Variants in RTEL1 observed in about 807,000 individuals in gnomAD.
The protein encoded by RTEL1 is regulator of telomere length.
In RTEL1, 86 loss-of-function variants were observed where a neutral mutation model predicts 162.2. The ratio of observed to expected loss-of-function variants is 0.53; its 90% CI spans 0.45 to 0.63. The LOEUF (loss-of-function observed/expected upper bound fraction) is 0.63, where lower values mean the gene tolerates loss of function less well. Ranked by LOEUF, RTEL1 falls within the 30% of genes least tolerant of loss-of-function variation. The probability of loss-of-function intolerance (pLI) is 0.00; values close to 1 mark genes in which losing one functional copy is unlikely to be tolerated. For missense variants in RTEL1, 1,941 were observed against 1,750.2 expected (o/e 1.11, Z -1.95); for synonymous variants, 958 against 717.9 (o/e 1.33, Z -5.35).
At chr20:63,692,479 T>A (rs765465870) in intron 28 of RTEL1, 3 of 415,162 alleles carry the variant, frequency 7.2e-6, no homozygotes, top group African/African-American at 4.0e-5. Flanking sequence ...CCGCATCCGC[T>A]GTGGGGCAGG....
chr20:63,687,304 C>T lies in RTEL1; in HGVS notation c.1349-334C>T, dbSNP rs561012165. On this transcript the variant is annotated intron_variant, in intron 16 of 34. Transcript: ENST00000360203. ...GCGCTTCCTTCCCGTGTGCTCTTGG[C>T]GGGGTGGGCTTCTTGCCCTGAGCCG... 4.1e-5 allele frequency: 11 copies of T among 271,024 alleles called. No individual in the cohort carries two copies. The South Asian group carries it at 7.8e-4, about 19-fold the overall frequency. The allele number at this position is 271,024 out of a possible 1,614,324, so 16.8% of individuals were successfully genotyped here. A position where few individuals can be genotyped will look rare whatever the true frequency, so the allele number is the denominator to read the frequency against.
rs778623587 is a variant in RTEL1 at position 63,694,474 on chromosome 20, G to C, written c.3095G>C (p.Arg1032Thr). 1.9e-6 allele frequency: 3 copies of C among 1,599,998 alleles called. No individual in the cohort carries two copies. The highest frequency in any genetic ancestry group is 1.1e-5 in the South Asian group (1 of 90,704). ...LNQGRPHLSP[R>T]PPPTGDPGSQ... ...CAGGGCAGGCCCCACCTGTCGCCCAGGCCACCCCCAACAGGTAGCTGACTC... is the reference window on the plus strand; with the variant it reads ...CAGGGCAGGCCCCACCTGTCGCCCACGCCACCCCCAACAGGTAGCTGACTC... Residue 1032 changes from arginine (R) to threonine (T), a missense_variant, in exon 31 of 35, where the codon AGG (arginine) becomes ACG (threonine). Physicochemically the swap from Arg to Thr is moderately conservative, Grantham distance 71. Coordinates refer to ENST00000360203, the MANE Select transcript of RTEL1 (RefSeq NM_001283009.2).
Position 63,659,368 on chromosome 20 carries a change from A to C in RTEL1, c.-35A>C. 1 of 1,517,082 alleles carries C rather than the reference A, an allele frequency of 6.6e-7. No individual in the cohort carries two copies. The highest frequency in any genetic ancestry group is 9.2e-7 in the Non-Finnish European group (1 of 1,091,788). The allele number at this position is 1,517,082 out of a possible 1,614,324, so 94.0% of individuals were successfully genotyped here. On this transcript the variant is annotated 5_prime_UTR_variant, in exon 2 of 35. Coordinates refer to ENST00000360203, the MANE Select transcript of RTEL1 (RefSeq NM_001283009.2). ...CACAGACCCGAATAGCCTGCCCCTCAGCCACGCTCTGTGCCCTTCTGAGAA... is the reference window on the plus strand; with the variant it reads ...CACAGACCCGAATAGCCTGCCCCTCCGCCACGCTCTGTGCCCTTCTGAGAA...
chr20:63,685,509 C>T lies in RTEL1; in HGVS notation c.1192-14C>T. ...TCAGGCTCCTGACGGGGCTGCACTT[C>T]CTCTGCCTTTCAGATTGTGTTCAGT... is the stretch of plus-strand genomic sequence containing the variant. On this transcript the variant is annotated splice_polypyrimidine_tract_variant and intron_variant, in intron 14 of 34. Transcript: ENST00000360203. 3 of 1,611,766 alleles carry T rather than the reference C, an allele frequency of 1.9e-6. No individual in the cohort carries two copies. The highest frequency in any genetic ancestry group is 1.7e-4 in the Middle Eastern group (1 of 6,056).
chr20:63,691,852 C>T lies in RTEL1; in HGVS notation c.2652+15C>T. The T allele has an allele frequency of 6.2e-7, 1 of 1,602,594 alleles. No individual in the cohort carries two copies. Among genetic ancestry groups the T allele is most frequent in the East Asian group, 2.2e-5 (1 of 44,822 alleles). Reference sequence around the variant, plus strand: ...TCAGCCACCCGGTGCGTGAGCTGTCCCTGCACCTGTGCCGACCACCATAGA... The same window carrying T: ...TCAGCCACCCGGTGCGTGAGCTGTCTCTGCACCTGTGCCGACCACCATAGA... On this transcript the variant is annotated intron_variant, in intron 28 of 34. Coordinates refer to ENST00000360203, the MANE Select transcript of RTEL1 (RefSeq NM_001283009.2).
At chr20:63,685,138 T>C (rs1276599634) in intron 14 of RTEL1, among the ~76,000 whole-genome samples, 1 of 151,114 alleles carries the variant, frequency 6.6e-6, no homozygotes, top group Non-Finnish European at 1.5e-5. Flanking sequence ...TTTGCTCCTC[T>C]CAGCCTCCCG....
chr20:63,684,721 C>A (rs1271293633), intron 14 of RTEL1, among the ~76,000 whole-genome samples: 1 of 151,868 alleles, frequency 6.6e-6, no homozygotes, highest in East Asian at 1.9e-4. Context: ...GATCCTCTCA[C>A]CTTGGCCTCC....
chr20:63,675,194 C>T (rs1168304333), intron 10 of RTEL1, among the ~76,000 whole-genome samples: 1 of 152,202 alleles, frequency 6.6e-6, no homozygotes, highest in Non-Finnish European at 1.5e-5. Flanking sequence ...CGTGAGCCGC[C>T]ACGCCCGGCC....
chr20:63,689,085 G>A lies in RTEL1; in HGVS notation c.1831G>A (p.Ala611Thr), dbSNP rs752318462. 4.2e-5 allele frequency: 67 copies of A among 1,610,680 alleles called. No individual in the cohort carries two copies. The highest frequency in any genetic ancestry group is 5.3e-5 in the Non-Finnish European group (62 of 1,179,870). ...CAGTGCTTACTATGCAAGGGTTGCCGCCCCTGGGTCCACCGGCGCCACCTT... is the reference window on the plus strand; with the variant it reads ...CAGTGCTTACTATGCAAGGGTTGCCACCCCTGGGTCCACCGGCGCCACCTT... ...TISAYYARVA[A>T]PGSTGATFLA... is the part of the protein sequence containing the mutation. The change falls in exon 22 of 35, where the codon GCC (alanine) becomes ACC (threonine). Residue 611 changes from alanine (A) to threonine (T), a missense_variant. Ala to Thr is a moderately conservative substitution (Grantham distance 58, BLOSUM62 0). Transcript: ENST00000360203.
In RTEL1 at chr20:63,690,978, G is replaced by A. The variant is rs935038981; in HGVS notation, c.2556+31G>A. 11 of 1,534,658 alleles carry A rather than the reference G, an allele frequency of 7.2e-6. No individual in the cohort carries two copies. In the Admixed American group the frequency reaches 1.8e-4, roughly 25 times the overall value. On this transcript the variant is annotated intron_variant, in intron 27 of 34. Coordinates refer to ENST00000360203, the MANE Select transcript of RTEL1 (RefSeq NM_001283009.2). ...GTTCCAGGGCCTTGGGATGGACACA[G>A]ACCCTCTGTCTCCTGAGGCCAACCC...
chr20:63,694,054 G>A (rs553457320), intron 30 of RTEL1, among the ~76,000 whole-genome samples: 10 of 152,002 alleles, frequency 6.6e-5, no homozygotes, highest in African/African-American at 1.7e-4. Context: ...GTTCACCCAG[G>A]GGGGAACCTA....
Position 63,661,405 on chromosome 20 carries a change from CAAGATT to C in RTEL1, c.211_216del (p.Lys71_Ile72del). On this transcript the variant is annotated inframe_deletion, in exon 3 of 35. Coordinates refer to ENST00000360203, the MANE Select transcript of RTEL1 (RefSeq NM_001283009.2). The surrounding 1 kb of genome is among the most constrained non-coding windows in gnomAD (Gnocchi z 5.1). ...ACCTCCGAGACGGCATCTCTGCCCG[CAAGATT>C]GCCGAGAGGGCGCAAGGAGAGCTTT... 6.2e-7 allele frequency: 1 copy of C among 1,614,020 alleles called. No individual in the cohort carries two copies. The highest frequency in any genetic ancestry group is 8.5e-7 in the Non-Finnish European group (1 of 1,180,042).
chr20:63,674,585 A>G (rs1358428295), intron 10 of RTEL1, among the ~76,000 whole-genome samples: 1 of 152,082 alleles, frequency 6.6e-6, no homozygotes, highest in Non-Finnish European at 1.5e-5. Flanking sequence ...CCTGTGGTCC[A>G]AGCTTTTCCG....
chr20:63,692,529 C>A, intron 28 of RTEL1: 1 of 529,078 alleles, frequency 1.9e-6, no homozygotes, highest in Non-Finnish European at 3.4e-6. Context: ...CATGCAGGAC[C>A]CCTGGCTTGA....
chr20:63,666,932 C>T (rs1490639315), intron 7 of RTEL1, among the ~76,000 whole-genome samples: 5 of 151,358 alleles, frequency 3.3e-5, no homozygotes, highest in South Asian at 2.1e-4. Flanking sequence ...CTCCGCCTCC[C>T]GAGTTCACGC....
intron 34 of RTEL1, 31 bp from the exon 35 acceptor site, chr20:63,695,747 A>C (rs2090964737): frequency 6.3e-7 from 1 of 1,591,126 alleles, no homozygotes; most frequent in African/African-American, 1.3e-5. Context: ...AACGCCTGGC[A>C]GACGTGTGCA....
intron 12 of RTEL1, among the ~76,000 whole-genome samples, chr20:63,679,579 G>C (rs906969922): frequency 6.6e-6 from 1 of 152,108 alleles, no homozygotes; most frequent in Non-Finnish European, 1.5e-5. Context: ...GGAGGCTCCT[G>C]AGGGCGGAGG....
At position 63,695,706 on chromosome 20, in the gene RTEL1, G is replaced by C. The variant is rs1568727269; in HGVS notation, c.3822+56G>C. On this transcript the variant is annotated intron_variant, in intron 34 of 34. Coordinates refer to ENST00000360203, the MANE Select transcript of RTEL1 (RefSeq NM_001283009.2). Reference sequence around the variant, plus strand: ...GGTGTAGCCCCAGGTGATGGGCTGAGGGGGAAAGGGCAGGCCCTTGTCCTG... The same window carrying C: ...GGTGTAGCCCCAGGTGATGGGCTGACGGGGAAAGGGCAGGCCCTTGTCCTG... 5 of 1,606,712 alleles carry C rather than the reference G, an allele frequency of 3.1e-6. No individual in the cohort carries two copies. The South Asian group carries it at 3.3e-5, about 11-fold the overall frequency.
intron 14 of RTEL1, 78 bp from the exon 15 acceptor site, chr20:63,685,442 CCTT>C (rs1459766707): frequency 6.4e-5 from 91 of 1,420,606 alleles, no homozygotes; most frequent in East Asian, 1.4e-4. Context: ...TGTCCTGTGA[CCTT>C]CTGTGTATGC....
Sources: allele counts gnomAD v4.1 joint callset (sites outside exome capture counted in the v4.1 genomes callset), GRCh38; gene constraint gnomAD v4.1.1; non-coding constraint Gnocchi (gnomAD v3.1); transcripts MANE v1.5; gene names NCBI Gene and HGNC (gene_info 2026-07-23, HGNC 2026-07-21).